ADAM23: variants seen among roughly 807,000 people sequenced by gnomAD.
ADAM23 encodes the protein disintegrin and metalloproteinase domain-containing protein 23.
Under a neutral mutation model 120.1 loss-of-function variants are expected in ADAM23, and 33 were observed. The ratio of observed to expected loss-of-function variants is 0.27; its 90% CI spans 0.21 to 0.37. The LOEUF is 0.37. Among genes scored for constraint, ADAM23 ranks in the 10% least tolerant of loss-of-function variants. ADAM23 has a pLI of 1.00. For missense variants in ADAM23, 862 were observed against 1,058.2 expected, an observed-to-expected ratio of 0.81 and a Z score of 2.57; for synonymous variants, 367 against 375.2, an observed-to-expected ratio of 0.98 and a Z score of 0.25.
chr2:206,496,187 A>C (rs1005072363), intron 3 of ADAM23, among the ~76,000 whole-genome samples: 1 of 152,156 alleles, frequency 6.6e-6, no homozygotes, highest in Non-Finnish European at 1.5e-5. Flanking sequence ...CCCCAAATCA[A>C]CAGAATATAC....
At position 206,564,930 on chromosome 2, in the gene ADAM23, G is replaced by T. The variant is rs919743124; in HGVS notation, c.1346-90G>T. ...TGACTGACATGGAATTGGTAATAAAGAATTATTGTAGGAGTTGTAATACCA... is the reference window on the plus strand; with the variant it reads ...TGACTGACATGGAATTGGTAATAAATAATTATTGTAGGAGTTGTAATACCA... On this transcript the variant is annotated intron_variant, in intron 13 of 25. Coordinates refer to ENST00000264377, the MANE Select transcript of ADAM23 (RefSeq NM_003812.4). 44 of 1,362,716 alleles carry T rather than the reference G, an allele frequency of 3.2e-5. No homozygotes were observed. The Middle Eastern group carries it at 1.1e-3, about 33-fold the overall frequency. 84.4% of individuals were successfully genotyped at this position (1,362,716 alleles called of 1,614,324 possible). A position where few individuals can be genotyped will look rare whatever the true frequency, so the allele number is the denominator to read the frequency against.
chr2:206,511,604 T>G (rs964839797), intron 3 of ADAM23, among the ~76,000 whole-genome samples: 8 of 152,170 alleles, frequency 5.3e-5, no homozygotes, highest in African/African-American at 1.9e-4. Flanking sequence ...CAGAACCTCC[T>G]TGGAGCTCTG....
intron 3 of ADAM23, among the ~76,000 whole-genome samples, chr2:206,513,307 G>A (rs1696663929): frequency 6.6e-6 from 1 of 152,314 alleles, no homozygotes; most frequent in South Asian, 2.1e-4. Flanking sequence ...GAAATTAAAT[G>A]TGCTATTCCA....
At chr2:206,580,211 T>C (rs1326788546) in intron 18 of ADAM23, among the ~76,000 whole-genome samples, 2 of 152,168 alleles carry the variant, frequency 1.3e-5, no homozygotes, top group Non-Finnish European at 2.9e-5. Flanking sequence ...CCTTTCTTTC[T>C]TTCTCTTGTC....
intron 3 of ADAM23, among the ~76,000 whole-genome samples, chr2:206,493,601 G>A (rs754513046): frequency 2.0e-4 from 31 of 152,174 alleles, no homozygotes; most frequent in Non-Finnish European, 4.0e-4. Flanking sequence ...TCGAACTCCC[G>A]ACCTCAGGTG....
chr2:206,461,532 G>A (rs6757230), intron 2 of ADAM23, among the ~76,000 whole-genome samples: 121,375 of 152,060 alleles, frequency 0.8, 48,713 homozygotes, highest in Admixed American at 0.84. Flanking sequence ...AGGAGGTTGG[G>A]TTAGATTTGG....
chr2:206,463,032 A>G (rs2105861232), intron 2 of ADAM23, among the ~76,000 whole-genome samples: 1 of 152,290 alleles, frequency 6.6e-6, no homozygotes, highest in South Asian at 2.1e-4. Flanking sequence ...GGTGATGAGC[A>G]GAGGAATTGC....
At position 206,456,455 on chromosome 2, in the gene ADAM23, A is replaced by G. The variant is rs573222608; in HGVS notation, c.432+10931A>G. On this transcript the variant is annotated intron_variant, in intron 2 of 25. Coordinates refer to ENST00000264377, the MANE Select transcript of ADAM23 (RefSeq NM_003812.4). ...TCATATCAACCCTGGACTGGTGACT[A>G]TGAGAGCAGGATGTGGGAAATCCGT... Among the ~76,000 whole-genome samples the G allele has an allele frequency of 5.9e-5, 9 of 152,196 alleles. No homozygotes were observed. The East Asian group carries it at 1.2e-3, about 20-fold the overall frequency.
At chr2:206,586,181 T>C (rs1698317802) in intron 18 of ADAM23, among the ~76,000 whole-genome samples, 1 of 152,208 alleles carries the variant, frequency 6.6e-6, no homozygotes, top group South Asian at 2.1e-4. Context: ...GAGCAGATCA[T>C]GTTGAGCTTG....
chr2:206,542,819 A>G (rs1265881134), intron 5 of ADAM23, among the ~76,000 whole-genome samples: 2 of 152,188 alleles, frequency 1.3e-5, no homozygotes, highest in East Asian at 3.8e-4. Flanking sequence ...TCAGAACCAG[A>G]TGGTTTTAGA....
At chr2:206,577,462 T>C (rs1319936159) in intron 18 of ADAM23, among the ~76,000 whole-genome samples, 7 of 138,468 alleles carry the variant, frequency 5.1e-5, no homozygotes, top group Non-Finnish European at 3.1e-5. Flanking sequence ...CCTTCCTGTG[T>C]CCATGTGATC....
At position 206,444,058 on chromosome 2, in the gene ADAM23, C is replaced by G. The variant is rs1463857648; in HGVS notation, c.192C>G (p.Ala64=). The stretch of plus-strand genomic sequence containing the variant: ...TCGCCGCCTCGTCCCGGCCCCGCGC[C>G]TGGGGGGCTGCTGCGCCCAGCGGTG... ...PPLAASSRPR[A]WGAAAPSAPH... Residue 64 remains alanine, a synonymous_variant, in exon 1 of 26, where the codon GCC becomes GCG. Transcript: ENST00000264377. 1 of 1,387,336 alleles carries G rather than the reference C, an allele frequency of 7.2e-7. No individual in the cohort carries two copies. The highest frequency in any genetic ancestry group is 9.4e-7 in the Non-Finnish European group (1 of 1,068,304). The allele number at this position is 1,387,336 out of a possible 1,614,324, so 85.9% of individuals were successfully genotyped here.
intron 2 of ADAM23, among the ~76,000 whole-genome samples, chr2:206,480,523 C>CA (rs1345369889): frequency 6.7e-6 from 1 of 149,328 alleles, no homozygotes; most frequent in African/African-American, 2.5e-5. Flanking sequence ...AATACTTTGA[C>CA]AAAACTTTAT....
rs147771229 is a variant in ADAM23, at chr2:206,470,472, C to G, written c.433-10760C>G. Among the ~76,000 whole-genome samples the G allele has an allele frequency of 3.2e-3, 482 of 152,240 alleles. 2 individuals are homozygous for G. The highest frequency in any genetic ancestry group is 0.011 in the African/African-American group (465 of 41,524). ...GTTGAGTGGTTGATCGTTTCCAGAGCTCTGTGGAAGTTCGATATTAGAGAA... is the reference window on the plus strand; with the variant it reads ...GTTGAGTGGTTGATCGTTTCCAGAGGTCTGTGGAAGTTCGATATTAGAGAA... On this transcript the variant is annotated intron_variant, in intron 2 of 25. Transcript: ENST00000264377.
chr2:206,610,794 G>T (rs1698812537), intron 25 of ADAM23, among the ~76,000 whole-genome samples: 1 of 152,168 alleles, frequency 6.6e-6, no homozygotes. Flanking sequence ...AGAATCATTG[G>T]ATAATTGCTT....
chr2:206,601,772 CAAA>C (rs35118372), intron 24 of ADAM23, among the ~76,000 whole-genome samples: 3 of 81,174 alleles, frequency 3.7e-5, no homozygotes, highest in African/African-American at 4.5e-5. Context: ...AGACCCTTCT[CAAA>C]AAAAAAAAAA....
At chr2:206,513,751 G>A (rs1344004242) in intron 3 of ADAM23, among the ~76,000 whole-genome samples, 2 of 152,134 alleles carry the variant, frequency 1.3e-5, no homozygotes, top group Non-Finnish European at 2.9e-5. Context: ...ACCTGGCTTC[G>A]ACGCTGCAAA....
chr2:206,583,236 C>T (rs1284882579), intron 18 of ADAM23, among the ~76,000 whole-genome samples: 5 of 152,126 alleles, frequency 3.3e-5, no homozygotes, highest in South Asian at 2.1e-4. Flanking sequence ...GGGCGGATCA[C>T]GAGGTCAGGA....
chr2:206,567,125 C>A, intron 14 of ADAM23, 98 bp from the exon 15 acceptor site: 1 of 947,448 alleles, frequency 1.1e-6, no homozygotes, highest in Non-Finnish European at 1.6e-6. Context: ...CATTTGGATT[C>A]AAAGTGAACA....
Sources: allele counts gnomAD v4.1 joint callset (sites outside exome capture counted in the v4.1 genomes callset), GRCh38; gene constraint gnomAD v4.1.1; transcripts MANE v1.5; gene names NCBI Gene and HGNC (gene_info 2026-07-23, HGNC 2026-07-21).